Variants in SCYGR5 observed in about 807,000 individuals in gnomAD.
The protein encoded by SCYGR5 is small cysteine and glycine repeat-containing protein 5.
exon 1 of SCYGR5, chr2:227,667,036 G>A (rs55860329): frequency 0.11 from 43,337 of 399,112 alleles, 2,549 homozygotes; most frequent in South Asian, 0.16. Context: ...CAGAAAGGCT[G>A]CTGCCAGAAG....
chr2:227,667,020 T>C (rs961712684), exon 1 of SCYGR5: 1 of 399,160 alleles, frequency 2.5e-6, no homozygotes, highest in African/African-American at 2.1e-5. Context: ...GAAGGGCTGT[T>C]GCCAGCAGAA....
exon 1 of SCYGR5, chr2:227,666,993 T>A (rs1010728273): frequency 5.0e-6 from 2 of 399,090 alleles, no homozygotes; most frequent in Non-Finnish European, 8.8e-6. Context: ...CTGCTGCTCA[T>A]GTGGCTGCGG....
exon 1 of SCYGR5, chr2:227,666,840 G>C: frequency 2.5e-6 from 1 of 400,338 alleles, no homozygotes; most frequent in African/African-American, 2.1e-5. Context: ...TGGTGGCTGC[G>C]GTGGCGGCTG....
rs1694713147 is a variant in SCYGR5, at chr2:227,666,872, CACCACCT to C, written c.70_76del (p.Thr24AlafsTer28). The C allele has an allele frequency of 2.5e-6, 1 of 400,834 alleles. No homozygotes were observed. Among genetic ancestry groups the C allele is most frequent in the African/African-American group, 2.1e-5 (1 of 48,626 alleles). The allele number at this position is 400,834 out of a possible 1,614,324, so 24.8% of individuals were successfully genotyped here. On this transcript the variant is annotated frameshift_variant, in exon 1 of 1. Coordinates refer to ENST00000641976, the Ensembl canonical transcript of SCYGR5. LOFTEE classifies it high-confidence loss of function. ...GCTGTGGTGGTGGCTGTGGCAGCTG[CACCACCT>C]GCAGGTGCTACCGGGTGGGCTGCTG...
At chr2:227,666,976 G>A (rs906548391) in exon 1 of SCYGR5, 6 of 394,956 alleles carry the variant, frequency 1.5e-5, no homozygotes, top group Middle Eastern at 6.2e-4. Flanking sequence ...TGCTGCTGCC[G>A]CCGCACCTGC....
chr2:227,666,971 C>T (rs1694714711), exon 1 of SCYGR5: 1 of 395,104 alleles, frequency 2.5e-6, no homozygotes, highest in East Asian at 3.6e-5. Flanking sequence ...TGATCTGCTG[C>T]TGCCGCCGCA....
chr2:227,667,001 C>T (rs1451234490), exon 1 of SCYGR5: 11 of 399,138 alleles, frequency 2.8e-5, no homozygotes, highest in South Asian at 1.3e-4. Flanking sequence ...CATGTGGCTG[C>T]GGCTGTGGGA....
exon 1 of SCYGR5, chr2:227,666,860 C>G: frequency 2.5e-6 from 1 of 400,592 alleles, no homozygotes; most frequent in Non-Finnish European, 4.4e-6. Flanking sequence ...GTGGTGGTGG[C>G]TGTGGCAGCT....
chr2:227,666,965 C>G (rs1487005636), exon 1 of SCYGR5: 8 of 395,008 alleles, frequency 2.0e-5, no homozygotes, highest in Non-Finnish European at 3.6e-5. Flanking sequence ...CACCTGTGAT[C>G]TGCTGCTGCC....
exon 1 of SCYGR5, chr2:227,666,828 T>TGTGGTGGCTGTGGTGGTGGCTGTG (rs1694712103): frequency 2.5e-6 from 1 of 399,706 alleles, no homozygotes; most frequent in East Asian, 3.6e-5. Context: ...TTGTGGAGGT[T>TGTGGTGGCTGTGGTGGTGGCTGTG]GTGGTGGCTG....
At chr2:227,666,845 C>CTGCGGTGGCGGCTGCGGTGGT (rs1559234261) in exon 1 of SCYGR5, 1 of 398,790 alleles carries the variant, frequency 2.5e-6, no homozygotes, top group African/African-American at 2.1e-5. Context: ...GCTGCGGTGG[C>CTGCGGTGGCGGCTGCGGTGGT]GGCTGTGGTG....
chr2:227,666,919 C>CCTGCTGCCGCGGCTGCTGTGGGGG, exon 1 of SCYGR5: 2 of 398,778 alleles, frequency 5.0e-6, no homozygotes, highest in Non-Finnish European at 8.8e-6. Flanking sequence ...AGCTGCTGCC[C>CCTGCTGCCGCGGCTGCTGTGGGGG]CTGCTGCCGC....
At chr2:227,666,859 G>C (rs1221964625) in exon 1 of SCYGR5, 6 of 400,390 alleles carry the variant, frequency 1.5e-5, no homozygotes, top group Non-Finnish European at 2.2e-5. Context: ...TGTGGTGGTG[G>C]CTGTGGCAGC....
exon 1 of SCYGR5, chr2:227,666,847 G>A (rs977996922): frequency 2.5e-5 from 10 of 400,534 alleles, no homozygotes; most frequent in African/African-American, 1.9e-4. Flanking sequence ...TGCGGTGGCG[G>A]CTGTGGTGGT....
At chr2:227,666,845 C>CGGCTGTGGTGGTGGCTGTGGTGGT (rs1553564562) in exon 1 of SCYGR5, 1 of 398,790 alleles carries the variant, frequency 2.5e-6, no homozygotes, top group African/African-American at 2.1e-5. Flanking sequence ...GCTGCGGTGG[C>CGGCTGTGGTGGTGGCTGTGGTGGT]GGCTGTGGTG....
At chr2:227,667,033 G>A (rs1445245423) in exon 1 of SCYGR5, 5 of 399,114 alleles carry the variant, frequency 1.3e-5, no homozygotes, top group Non-Finnish European at 2.2e-5. Flanking sequence ...CAGCAGAAAG[G>A]CTGCTGCCAG....
At chr2:227,667,003 G>C (rs1244664434) in exon 1 of SCYGR5, 2 of 399,306 alleles carry the variant, frequency 5.0e-6, no homozygotes, top group Non-Finnish European at 8.8e-6. Flanking sequence ...TGTGGCTGCG[G>C]CTGTGGGAAG....
At chr2:227,666,936 T>G (rs1694714181) in exon 1 of SCYGR5, 2 of 395,080 alleles carry the variant, frequency 5.1e-6, no homozygotes, top group Non-Finnish European at 8.9e-6. Context: ...CCGCGGCTGC[T>G]GTGGGGGCTG....
exon 1 of SCYGR5, chr2:227,666,980 C>T (rs1241845977): frequency 1.8e-5 from 7 of 394,956 alleles, no homozygotes; most frequent in East Asian, 3.6e-5. Context: ...GCTGCCGCCG[C>T]ACCTGCTGCT....
Sources: gnomAD v4.1 joint callset for allele counts on GRCh38, gnomAD v4.1.1 for gene constraint, MANE v1.5 for transcripts, NCBI Gene and HGNC (gene_info 2026-07-23, HGNC 2026-07-21) for gene names.